CYFIP2: variants seen among roughly 807,000 people sequenced by gnomAD.
CYFIP2 encodes the protein cytoplasmic FMR1-interacting protein 2.
In CYFIP2, 29 loss-of-function variants were observed where a neutral mutation model predicts 158.7. The ratio of observed to expected loss-of-function variants is 0.18; its 90% CI spans 0.14 to 0.25. The LOEUF (loss-of-function observed/expected upper bound fraction) is 0.25. CYFIP2 is among the 10% of genes least tolerant of loss of function. The pLI, the probability that CYFIP2 is intolerant of heterozygous loss-of-function variation, is 1.00. For missense variants in CYFIP2, 852 were observed against 1,639.5 expected, an observed-to-expected ratio of 0.52 and a Z score of 8.29; for synonymous variants, 585 against 617.6, an observed-to-expected ratio of 0.95 and a Z score of 0.78.
chr5:157,366,980 T>C (rs1269086688), intron 26 of CYFIP2, among the ~76,000 whole-genome samples: 1 of 152,248 alleles, frequency 6.6e-6, no homozygotes, highest in African/African-American at 2.4e-5. Context: ...CAGAGCCCTT[T>C]AGTCTGCCTT....
Position 157,333,451 on chromosome 5 carries a change from G to A in CYFIP2, c.2385+5G>A. On this transcript the variant is annotated splice_donor_5th_base_variant and intron_variant, in intron 21 of 30. Transcript: ENST00000620254. Reference sequence around the variant, plus strand: ...GAGGACCTGACCTCCATTGTGGTAAGAGTCTGGGAGCGTGTGGGATTTCTG... The same window carrying A: ...GAGGACCTGACCTCCATTGTGGTAAAAGTCTGGGAGCGTGTGGGATTTCTG... The A allele has an allele frequency of 6.2e-7, 1 of 1,613,938 alleles. No homozygotes were observed. The highest frequency in any genetic ancestry group is 8.5e-7 in the Non-Finnish European group (1 of 1,179,850).
Position 157,392,865 on chromosome 5 carries a change from G to A in CYFIP2, c.3627G>A (p.Lys1209=). ...AGAAGATGGCCGACCGGATCAGGAA[G>A]TATCAGATCTTGAACAATGAGGTTT... ...PLKKMADRIR[K]YQILNNEVFA... Residue 1209 remains lysine (K), a synonymous_variant, in exon 31 of 31, where the codon AAG becomes AAA. Transcript: ENST00000620254. 6.2e-7 allele frequency: 1 copy of A among 1,613,970 alleles called. No homozygotes were observed. Among genetic ancestry groups the A allele is most frequent in the African/African-American group, 1.3e-5 (1 of 75,032 alleles).
In CYFIP2 at chr5:157,291,666, T is replaced by C. The variant is rs529995042; in HGVS notation, c.208-3117T>C. On this transcript the variant is annotated intron_variant, in intron 3 of 30. Transcript: ENST00000620254. ...CTGCGGGACCCACGGGCTTGATTGG[T>C]TCTCCCTGTTCTCAAGGACAACATG... 2.6e-5 allele frequency among the ~76,000 whole-genome samples: 4 copies of C among 152,368 alleles called. No homozygotes were observed. In the South Asian group the frequency reaches 8.3e-4, roughly 32 times the overall value.
At chr5:157,334,754 CTG>C (rs770455394) in intron 21 of CYFIP2, among the ~76,000 whole-genome samples, 3 of 151,416 alleles carry the variant, frequency 2.0e-5, no homozygotes, top group Admixed American at 6.6e-5. Context: ...AGACTGAAAA[CTG>C]TTACAAATTA....
chr5:157,379,876 T>C (rs2113495465), intron 26 of CYFIP2: 1 of 152,208 alleles, frequency 6.6e-6, no homozygotes, highest in South Asian at 2.1e-4. Flanking sequence ...CATGCAAAGC[T>C]GGCCATGCAG....
intron 17 of CYFIP2, 45 bp from the exon 18 acceptor site, chr5:157,326,126 A>AG (rs751099324): frequency 3.6e-6 from 5 of 1,402,908 alleles, no homozygotes; most frequent in Non-Finnish European, 5.1e-6. Context: ...GTCTTCCTTA[A>AG]GGGGGGTTAT....
chr5:157,335,333 A>G (rs1761772439), intron 21 of CYFIP2, among the ~76,000 whole-genome samples: 1 of 152,202 alleles, frequency 6.6e-6, no homozygotes, highest in South Asian at 2.1e-4. Context: ...GCTGTAGTGC[A>G]GTGGCGTGAT....
intron 26 of CYFIP2, among the ~76,000 whole-genome samples, chr5:157,362,405 G>A (rs1763919922): frequency 6.6e-6 from 1 of 152,164 alleles, no homozygotes; most frequent in Non-Finnish European, 1.5e-5. Context: ...AATTTCTGTA[G>A]GGAATCAAAC....
chr5:157,373,087 T>A (rs1349276266), intron 26 of CYFIP2, among the ~76,000 whole-genome samples: 1 of 152,204 alleles, frequency 6.6e-6, no homozygotes, highest in African/African-American at 2.4e-5. Flanking sequence ...AGCTTAAAAC[T>A]AACAGGTGGA....
chr5:157,381,656 G>C (rs1766107564), intron 26 of CYFIP2, among the ~76,000 whole-genome samples: 1 of 152,132 alleles, frequency 6.6e-6, no homozygotes. Flanking sequence ...CTCATTTCTA[G>C]GACTGATCTG....
At chr5:157,315,199 G>C (rs143750358) in intron 13 of CYFIP2, 105 bp downstream of exon 13, 1 of 1,465,404 alleles carries the variant, frequency 6.8e-7, no homozygotes, top group East Asian at 2.4e-5. Flanking sequence ...CCTAATTTTC[G>C]TGCTCTTCCC....
intron 22 of CYFIP2, among the ~76,000 whole-genome samples, chr5:157,340,252 A>C (rs954238564): frequency 3.9e-5 from 6 of 152,260 alleles, no homozygotes; most frequent in African/African-American, 1.4e-4. Flanking sequence ...ATTCATCTGC[A>C]GATCTTCTAG....
intron 4 of CYFIP2, among the ~76,000 whole-genome samples, chr5:157,295,469 A>G (rs144458932): frequency 0.016 from 2,478 of 152,316 alleles, 85 homozygotes; most frequent in African/African-American, 0.057. Context: ...AACAGAAACT[A>G]TTCCTCCCCC....
chr5:157,280,208 G>C (rs1439933379), intron 1 of CYFIP2, among the ~76,000 whole-genome samples: 5 of 152,038 alleles, frequency 3.3e-5, no homozygotes. Flanking sequence ...TTTTGTGTGT[G>C]TGTGTGTGAT....
intron 20 of CYFIP2, among the ~76,000 whole-genome samples, chr5:157,331,489 T>C (rs1761458220): frequency 6.6e-6 from 1 of 151,604 alleles, no homozygotes; most frequent in African/African-American, 2.4e-5. Flanking sequence ...GTGCTTATTA[T>C]GTGGTCCTGG....
intron 26 of CYFIP2, among the ~76,000 whole-genome samples, chr5:157,373,894 A>G (rs971820231): frequency 3.3e-5 from 5 of 152,190 alleles, no homozygotes; most frequent in Non-Finnish European, 5.9e-5. Context: ...AGCGAACATA[A>G]AGCTAGCCAA....
chr5:157,322,247 C>T (rs1760656587), intron 15 of CYFIP2, among the ~76,000 whole-genome samples: 2 of 152,100 alleles, frequency 1.3e-5, no homozygotes, highest in African/African-American at 4.8e-5. Flanking sequence ...AGTGACTTGT[C>T]CAAGTCACAA....
chr5:157,380,659 C>T (rs897458825), intron 26 of CYFIP2, among the ~76,000 whole-genome samples: 2 of 152,170 alleles, frequency 1.3e-5, no homozygotes, highest in African/African-American at 4.8e-5. Context: ...AAATCCTCAA[C>T]AAAATGTTAG....
intron 23 of CYFIP2, among the ~76,000 whole-genome samples, chr5:157,351,350 A>G (rs1030900420): frequency 6.6e-6 from 1 of 152,152 alleles, no homozygotes; most frequent in African/African-American, 2.4e-5. Context: ...TGAATTGCAT[A>G]GCACTTCCTT....
Sources: allele counts gnomAD v4.1 joint callset (sites outside exome capture counted in the v4.1 genomes callset), GRCh38; gene constraint gnomAD v4.1.1; transcripts MANE v1.5; gene names NCBI Gene and HGNC (gene_info 2026-07-23, HGNC 2026-07-21).